Variants in PPM1E observed in about 807,000 individuals in gnomAD.
PPM1E encodes the protein protein phosphatase, Mg2+/Mn2+ dependent 1E.
In PPM1E, 20 loss-of-function variants were observed where a neutral mutation model predicts 65.9. That is an observed-to-expected ratio of 0.30 (90% CI 0.21 to 0.44). The LOEUF (loss-of-function observed/expected upper bound fraction) is 0.44, where lower values mean the gene tolerates loss of function less well. Ranked by LOEUF, PPM1E falls within the 20% of genes least tolerant of loss-of-function variation. The pLI, the probability that PPM1E is intolerant of heterozygous loss-of-function variation, is 1.00. For synonymous variants in PPM1E, 352 were observed against 374.9 expected (o/e 0.94, Z 0.70); for missense variants, 713 against 953.1 (o/e 0.75, Z 3.32).
chr17:58,820,347 G>C (rs1361284503), intron 1 of PPM1E, among the ~76,000 whole-genome samples: 1 of 152,130 alleles, frequency 6.6e-6, no homozygotes. Context: ...CTTGGGCAAG[G>C]TACGAAACCT....
At chr17:58,934,649 C>T (rs1358406381) in intron 1 of PPM1E, among the ~76,000 whole-genome samples, 2 of 152,106 alleles carry the variant, frequency 1.3e-5, no homozygotes, top group African/African-American at 4.8e-5. Context: ...ATGGTGTGGC[C>T]GGGCACAATG....
chr17:58,757,932 C>G (rs986019042), intron 1 of PPM1E, among the ~76,000 whole-genome samples: 1 of 151,948 alleles, frequency 6.6e-6, no homozygotes, highest in East Asian at 1.9e-4. Flanking sequence ...TATATCTGGT[C>G]TTTGTGAACT....
chr17:58,769,253 C>G (rs1267557517), intron 1 of PPM1E, among the ~76,000 whole-genome samples: 1 of 152,082 alleles, frequency 6.6e-6, no homozygotes, highest in African/African-American at 2.4e-5. Flanking sequence ...ATCATCTACT[C>G]AACAAATGTC....
intron 1 of PPM1E, among the ~76,000 whole-genome samples, chr17:58,855,446 G>A (rs1005362690): frequency 6.6e-6 from 1 of 152,164 alleles, no homozygotes; most frequent in African/African-American, 2.4e-5. Context: ...ACTGTAGAAT[G>A]CTTCCCCTTC....
intron 1 of PPM1E, among the ~76,000 whole-genome samples, chr17:58,888,357 T>C (rs901910569): frequency 8.4e-5 from 11 of 131,256 alleles, no homozygotes; most frequent in African/African-American, 3.4e-4. Context: ...TTTGGACTCT[T>C]CTCTCTTTTT....
chr17:58,908,870 C>T (rs992783513), intron 1 of PPM1E, among the ~76,000 whole-genome samples: 1 of 152,072 alleles, frequency 6.6e-6, no homozygotes, highest in African/African-American at 2.4e-5. Context: ...TAAAATAATC[C>T]TAACTCCTAC....
chr17:58,811,394 C>T (rs1019206931), intron 1 of PPM1E, among the ~76,000 whole-genome samples: 5 of 152,132 alleles, frequency 3.3e-5, no homozygotes, highest in South Asian at 2.1e-4. Context: ...TGCCTTTTAA[C>T]GCAGAAAATT....
intron 5 of PPM1E, among the ~76,000 whole-genome samples, chr17:58,972,622 A>C (rs1299209526): frequency 6.6e-6 from 1 of 152,152 alleles, no homozygotes; most frequent in Non-Finnish European, 1.5e-5. Context: ...AAGTACTGGG[A>C]TTATAGGCGT....
At chr17:58,805,961 C>CAAAAA (rs71367632) in intron 1 of PPM1E, among the ~76,000 whole-genome samples, 52 of 69,808 alleles carry the variant, frequency 7.4e-4, no homozygotes, top group Non-Finnish European at 1.0e-3. Context: ...AAAAAAAAAA[C>CAAAAA]AAAAAAAAAA....
At chr17:58,973,896 G>A (rs2030820628) in intron 6 of PPM1E, among the ~76,000 whole-genome samples, 1 of 145,872 alleles carries the variant, frequency 6.9e-6, no homozygotes, top group Non-Finnish European at 1.5e-5. Context: ...AGGTTGCAGT[G>A]AGTCGAGATC....
At chr17:58,910,361 T>A (rs1210965299) in intron 1 of PPM1E, among the ~76,000 whole-genome samples, 1 of 152,194 alleles carries the variant, frequency 6.6e-6, no homozygotes, top group Non-Finnish European at 1.5e-5. Context: ...TTCTTTAGAT[T>A]TCCACCTCTC....
At chr17:58,888,552 C>T (rs905258762) in intron 1 of PPM1E, among the ~76,000 whole-genome samples, 6 of 151,742 alleles carry the variant, frequency 4.0e-5, no homozygotes, top group South Asian at 2.1e-4. Context: ...TTAGTAGAGA[C>T]GGGGTTTCTT....
chr17:58,772,472 T>C (rs1486681441), intron 1 of PPM1E, among the ~76,000 whole-genome samples: 1 of 150,984 alleles, frequency 6.6e-6, no homozygotes, highest in Non-Finnish European at 1.5e-5. Context: ...AAAAAAGATA[T>C]AGCAATGCAG....
chr17:58,847,536 C>T (rs565819996), intron 1 of PPM1E, among the ~76,000 whole-genome samples: 4 of 152,224 alleles, frequency 2.6e-5, no homozygotes, highest in African/African-American at 9.6e-5. Context: ...GAATCCTTTC[C>T]CCATTTCTTG....
chr17:58,837,332 TAC>T (rs59797345), intron 1 of PPM1E, among the ~76,000 whole-genome samples: 23,446 of 131,140 alleles, frequency 0.18, 2,101 homozygotes, highest in Non-Finnish European at 0.2. Flanking sequence ...CACACACACA[TAC>T]ACACACACAC....
chr17:58,837,847 A>G (rs1245613498), intron 1 of PPM1E, among the ~76,000 whole-genome samples: 1 of 152,192 alleles, frequency 6.6e-6, no homozygotes, highest in Non-Finnish European at 1.5e-5. Flanking sequence ...AATTTAGACA[A>G]TGTAGTGTGC....
chr17:58,768,224 C>G (rs1297233592), intron 1 of PPM1E, among the ~76,000 whole-genome samples: 1 of 151,990 alleles, frequency 6.6e-6, no homozygotes, highest in Non-Finnish European at 1.5e-5. Flanking sequence ...AGTGCTAGGA[C>G]TACAGGCATG....
chr17:58,922,428 T>C (rs1389319231), intron 1 of PPM1E, among the ~76,000 whole-genome samples: 1 of 151,666 alleles, frequency 6.6e-6, no homozygotes, highest in African/African-American at 2.4e-5. Flanking sequence ...AATTTTTGTA[T>C]TTTTTTGTAG....
Position 58,789,410 on chromosome 17 carries a change from G to A in PPM1E, c.464+32949G>A, listed in dbSNP as rs538095725. On this transcript the variant is annotated intron_variant, in intron 1 of 6. Coordinates refer to ENST00000308249, the MANE Select transcript of PPM1E (RefSeq NM_014906.5). ...CAGATTTAGTCTTCATTCTTGCTGC[G>A]GCCACCCCAGTTCAGTCTTCATTAC... Among the ~76,000 whole-genome samples the A allele has an allele frequency of 7.9e-5, 12 of 151,764 alleles. No homozygotes were observed. The South Asian group carries it at 2.5e-3, about 32-fold the overall frequency.
Sources: gnomAD v4.1 joint callset for allele counts (sites outside exome capture counted in the v4.1 genomes callset) on GRCh38, gnomAD v4.1.1 for gene constraint, MANE v1.5 for transcripts, NCBI Gene and HGNC (gene_info 2026-07-23, HGNC 2026-07-21) for gene names.